The following SMG6 variants were observed in gnomAD, a reference collection of about 807,000 sequenced individuals.
SMG6 encodes telomerase-binding protein EST1A.
SMG6 carries 66 observed loss-of-function variants against 142.2 expected under a neutral mutation model. The ratio of observed to expected loss-of-function variants is 0.46; its 90% CI spans 0.38 to 0.57. SMG6 has a LOEUF of 0.57. SMG6 is among the 20% of genes least tolerant of loss of function. The pLI is 0.00. For synonymous variants in SMG6, 779 were observed against 702.4 expected (o/e 1.11, Z -1.72); for missense variants, 1,793 against 1,832.0 (o/e 0.98, Z 0.39).
In SMG6 at chr17:2,268,637, A is replaced by C. The variant is rs908514649; in HGVS notation, c.2661+14010T>G. Among the ~76,000 whole-genome samples, 3 of 152,328 alleles carry C rather than the reference A, an allele frequency of 2.0e-5. No homozygotes were observed. In the East Asian group the frequency reaches 5.8e-4, roughly 29 times the overall value. ...AAAAAAATACAAAAATTAGGCCGGGAGCGGTGGCTCACGCTTATAATCCCA... is the reference window on the plus strand; with the variant it reads ...AAAAAAATACAAAAATTAGGCCGGGCGCGGTGGCTCACGCTTATAATCCCA... On this transcript the variant is annotated intron_variant, in intron 8 of 18. Transcript: ENST00000263073.
At chr17:2,183,950 G>A (rs1345256290) in intron 12 of SMG6, among the ~76,000 whole-genome samples, 1 of 152,084 alleles carries the variant, frequency 6.6e-6, no homozygotes, top group African/African-American at 2.4e-5. Flanking sequence ...GATCCAGACT[G>A]GCATACAGAG....
rs1185169801 is a variant in SMG6 at position 2,194,708 on chromosome 17, AAAAC to A, written c.2870-6197_2870-6194del. Among the ~76,000 whole-genome samples the A allele has an allele frequency of 1.7e-4, 10 of 58,024 alleles. No homozygotes were observed. In the South Asian group the frequency reaches 4.5e-3, roughly 26 times the overall value. 38.1% of individuals were successfully genotyped at this position (58,024 alleles called of 152,430 possible). A position where few individuals can be genotyped will look rare whatever the true frequency, so the allele number is the denominator to read the frequency against. On this transcript the variant is annotated intron_variant, in intron 10 of 18. Transcript: ENST00000263073. ...CTACCAAAAGAAAAGAAAACAAAACAAAACAAAAAAAAAAAGAAAGAAACATCAA... is the reference window on the plus strand; with the variant it reads ...CTACCAAAAGAAAAGAAAACAAAACAAAAAAAAAAAAGAAAGAAACATCAA...
chr17:2,114,576 T>A (rs553840304), intron 13 of SMG6, among the ~76,000 whole-genome samples: 3 of 152,120 alleles, frequency 2.0e-5, no homozygotes, highest in East Asian at 1.9e-4. Flanking sequence ...CAGTACCACA[T>A]TAATACCCTT....
chr17:2,064,458 C>T (rs766966782), intron 18 of SMG6, among the ~76,000 whole-genome samples: 19 of 152,134 alleles, frequency 1.2e-4, no homozygotes, highest in Admixed American at 3.9e-4. Flanking sequence ...TCTTGAAAAC[C>T]GGGCTGAGGG....
intron 10 of SMG6, among the ~76,000 whole-genome samples, chr17:2,189,579 A>G (rs964702683): frequency 2.0e-5 from 3 of 152,226 alleles, no homozygotes; most frequent in African/African-American, 7.2e-5. Flanking sequence ...AAGGATAATC[A>G]GCTGAATGTC....
chr17:2,218,407 G>C lies in SMG6; in HGVS notation c.2869+18085C>G, dbSNP rs1205371688. Among the ~76,000 whole-genome samples the C allele has an allele frequency of 2.0e-5, 3 of 152,018 alleles. No individual in the cohort carries two copies. In the East Asian group the frequency reaches 5.8e-4, roughly 29 times the overall value. ...TACTAAAAATACAAAAAATTAGCCGGACACGGTGGCGGGCGCCTGTAGCCC... is the reference window on the plus strand; with the variant it reads ...TACTAAAAATACAAAAAATTAGCCGCACACGGTGGCGGGCGCCTGTAGCCC... On this transcript the variant is annotated intron_variant, in intron 10 of 18. Transcript: ENST00000263073.
At chr17:2,230,154 C>CACTT (rs1276545435) in intron 10 of SMG6, among the ~76,000 whole-genome samples, 8 of 126,954 alleles carry the variant, frequency 6.3e-5, no homozygotes, top group Non-Finnish European at 1.3e-4. Context: ...CCACTGCACT[C>CACTT]CAGCCTGGGC....
At chr17:2,230,713 C>A (rs1434012602) in intron 10 of SMG6, among the ~76,000 whole-genome samples, 2 of 152,150 alleles carry the variant, frequency 1.3e-5, no homozygotes. Flanking sequence ...CACTAAGCGG[C>A]CTGTCAAGAG....
intron 8 of SMG6, among the ~76,000 whole-genome samples, chr17:2,260,841 C>T (rs896443253): frequency 6.6e-6 from 1 of 151,094 alleles, no homozygotes; most frequent in East Asian, 2.0e-4. Context: ...ACTGAAAATA[C>T]AAAAATTAGC....
At chr17:2,142,727 TA>T (rs1041769326) in intron 13 of SMG6, among the ~76,000 whole-genome samples, 49 of 142,686 alleles carry the variant, frequency 3.4e-4, no homozygotes, top group Admixed American at 2.8e-4. Flanking sequence ...CTACTAAAAA[TA>T]AAAAAAAAAA....
At chr17:2,255,336 G>A (rs542866007) in intron 8 of SMG6, among the ~76,000 whole-genome samples, 170 of 141,386 alleles carry the variant, frequency 1.2e-3, no homozygotes, top group Admixed American at 2.0e-3. Context: ...CCCGGGAGGC[G>A]GAGCTTGCAG....
rs2151391920 is a variant in SMG6 at position 2,068,681 on chromosome 17, G to T, written c.3835+97C>A. 2 of 1,311,970 alleles carry T rather than the reference G, an allele frequency of 1.5e-6. No individual in the cohort carries two copies. The highest frequency in any genetic ancestry group is 2.1e-6 in the Non-Finnish European group (2 of 949,528). The allele number at this position is 1,311,970 out of a possible 1,614,324, so 81.3% of individuals were successfully genotyped here. A position where few individuals can be genotyped will look rare whatever the true frequency, so the allele number is the denominator to read the frequency against. ...GCAAATCCCATCTTACACACGCACA[G>T]CAGGGCTCTGCCTGCCTGGCCCCCA... On this transcript the variant is annotated intron_variant, in intron 16 of 18. Transcript: ENST00000263073. This position sits in a 1 kb window ranked among gnomAD's most constrained non-coding sequence, Gnocchi z 6.7.
chr17:2,207,448 A>G (rs1436609186), intron 10 of SMG6, among the ~76,000 whole-genome samples: 1 of 152,222 alleles, frequency 6.6e-6, no homozygotes, highest in African/African-American at 2.4e-5. Flanking sequence ...TAAGGGTCAG[A>G]GAAACCCAAA....
intron 8 of SMG6, among the ~76,000 whole-genome samples, chr17:2,271,641 G>T (rs2151358030): frequency 6.6e-6 from 1 of 152,120 alleles, no homozygotes; most frequent in Non-Finnish European, 1.5e-5. Flanking sequence ...CTTAATCCCA[G>T]GAGGCAGAGA....
At chr17:2,108,564 G>A (rs2069218417) in intron 13 of SMG6, among the ~76,000 whole-genome samples, 1 of 152,232 alleles carries the variant, frequency 6.6e-6, no homozygotes, top group Non-Finnish European at 1.5e-5. Context: ...CTGGGAGGCA[G>A]AGGTTGTAGT....
chr17:2,116,548 C>T (rs1016710153), intron 13 of SMG6, among the ~76,000 whole-genome samples: 7 of 152,054 alleles, frequency 4.6e-5, no homozygotes, highest in African/African-American at 1.7e-4. Context: ...GAGTTTGAGA[C>T]CAGCCTGGCC....
chr17:2,244,748 C>G (rs965462857), intron 8 of SMG6, 29 bp from the exon 9 acceptor site: 1 of 1,589,898 alleles, frequency 6.3e-7, no homozygotes. Context: ...GAGGAGAAAA[C>G]AATTAAACTT....
intron 10 of SMG6, among the ~76,000 whole-genome samples, chr17:2,210,197 T>C (rs143768310): frequency 3.3e-5 from 5 of 152,272 alleles, no homozygotes; most frequent in African/African-American, 1.2e-4. Flanking sequence ...CCAATCCAGC[T>C]TCCTGCATGC....
chr17:2,194,468 T>C (rs1365847228), intron 10 of SMG6, among the ~76,000 whole-genome samples: 1 of 152,142 alleles, frequency 6.6e-6, no homozygotes, highest in African/African-American at 2.4e-5. Flanking sequence ...AAGTTTATAA[T>C]GCCAAGTAAG....
Sources: gnomAD v4.1 joint callset for allele counts (sites outside exome capture counted in the v4.1 genomes callset) on GRCh38, gnomAD v4.1.1 for gene constraint, Gnocchi (gnomAD v3.1) non-coding constraint, MANE v1.5 for transcripts, NCBI Gene and HGNC (gene_info 2026-07-23, HGNC 2026-07-21) for gene names.